The following COL11A1 variants were observed in gnomAD, a reference collection of about 807,000 sequenced individuals.
COL11A1 encodes collagen type XI alpha 1 chain.
COL11A1 carries 74 observed loss-of-function variants against 265.2 expected under a neutral mutation model. The observed-to-expected ratio is 0.28, with a 90% CI of 0.23 to 0.34. COL11A1 has a LOEUF of 0.34. Among genes scored for constraint, COL11A1 ranks in the 10% least tolerant of loss-of-function variants. COL11A1 has a pLI of 1.00. For synonymous variants in COL11A1, 816 were observed against 727.6 expected (o/e 1.12, Z -1.96); for missense variants, 2,165 against 2,263.6 (o/e 0.96, Z 0.88).
At chr1:103,023,726 T>G (rs1667291144) in intron 7 of COL11A1, among the ~76,000 whole-genome samples, 1 of 152,186 alleles carries the variant, frequency 6.6e-6, no homozygotes, top group Non-Finnish European at 1.5e-5. Flanking sequence ...ATAAGCCATA[T>G]AAGTTTGAGT....
chr1:102,936,258 A>G (rs1397456639), intron 44 of COL11A1, among the ~76,000 whole-genome samples: 1 of 151,346 alleles, frequency 6.6e-6, no homozygotes, highest in Non-Finnish European at 1.5e-5. Flanking sequence ...AAAAAGCCCT[A>G]CAAACATTTG....
At chr1:102,909,510 T>G (rs1654393964) in intron 54 of COL11A1, among the ~76,000 whole-genome samples, 1 of 152,138 alleles carries the variant, frequency 6.6e-6, no homozygotes. Context: ...TTTTTGTACA[T>G]TATATTTTCA....
At position 102,889,542 on chromosome 1, in the gene COL11A1, G is replaced by A. The variant is rs917541931; in HGVS notation, c.4377C>T (p.Gly1459=). ...KGEKGHPGLI[G]LIGPPGEQGE... is the part of the protein sequence containing the mutation. ...CTTGTTCTCCTGGAGGACCAATCAG[G>A]CCAATTAAACCAGGATGTCCCTTTG... Residue 1459 remains glycine (G), a synonymous_variant, in exon 59 of 67, where the codon GGC becomes GGT. Transcript: ENST00000370096. 6.2e-6 allele frequency: 10 copies of A among 1,613,092 alleles called. No homozygotes were observed. The African/African-American group carries it at 9.4e-5, about 15-fold the overall frequency.
intron 54 of COL11A1, among the ~76,000 whole-genome samples, chr1:102,907,176 G>A (rs548981347): frequency 6.6e-6 from 1 of 152,028 alleles, no homozygotes; most frequent in Non-Finnish European, 1.5e-5. Flanking sequence ...CCGTTCTCAT[G>A]TTATTATTAA....
intron 5 of COL11A1, among the ~76,000 whole-genome samples, chr1:103,027,823 T>C (rs1308768726): frequency 1.3e-5 from 2 of 152,120 alleles, no homozygotes; most frequent in Non-Finnish European, 2.9e-5. Flanking sequence ...CAAGGATATA[T>C]ACAGACCTGT....
At chr1:103,055,779 C>T (rs909502490) in intron 4 of COL11A1, among the ~76,000 whole-genome samples, 2 of 152,204 alleles carry the variant, frequency 1.3e-5, no homozygotes, top group African/African-American at 4.8e-5. Context: ...CAATTCTTCT[C>T]TTCCAATGTG....
At chr1:103,056,587 G>T (rs990411860) in intron 4 of COL11A1, among the ~76,000 whole-genome samples, 9 of 152,034 alleles carry the variant, frequency 5.9e-5, no homozygotes, top group African/African-American at 2.2e-4. Flanking sequence ...GAGGAGAAAA[G>T]GAATCATGTT....
rs776415474 is a variant in COL11A1, at chr1:102,877,593, T to C, written c.*426A>G. ...GATGGAATTCAGGGACACGTGCAAG[T>C]TTTGGAAATGGACACAGATAACAGT... On this transcript the variant is annotated 3_prime_UTR_variant, in exon 67 of 67. Coordinates refer to ENST00000370096, the MANE Select transcript of COL11A1 (RefSeq NM_001854.4). 1.6e-4 allele frequency: 24 copies of C among 153,530 alleles called. No homozygotes were observed. Among genetic ancestry groups the C allele is most frequent in the Non-Finnish European group, 3.2e-4 (22 of 68,696 alleles). 9.5% of individuals were successfully genotyped at this position (153,530 alleles called of 1,614,324 possible).
chr1:102,980,095 T>C (rs927429505), intron 31 of COL11A1, among the ~76,000 whole-genome samples: 15 of 152,250 alleles, frequency 9.9e-5, no homozygotes, highest in African/African-American at 3.6e-4. Flanking sequence ...ATCAGCTAAG[T>C]AAGTTTGGTA....
chr1:103,093,812 C>T (rs576179021), intron 1 of COL11A1, among the ~76,000 whole-genome samples: 1 of 152,236 alleles, frequency 6.6e-6, no homozygotes, highest in South Asian at 2.1e-4. Flanking sequence ...TTCAAGTGGT[C>T]TACTTGTCCA....
At chr1:102,905,307 G>C (rs1389291544) in intron 54 of COL11A1, among the ~76,000 whole-genome samples, 1 of 150,194 alleles carries the variant, frequency 6.7e-6, no homozygotes, top group Admixed American at 6.6e-5. Flanking sequence ...ACACCAACAT[G>C]GCACATGTAT....
At chr1:102,980,860 C>T (rs560500030) in intron 31 of COL11A1, among the ~76,000 whole-genome samples, 18 of 152,142 alleles carry the variant, frequency 1.2e-4, no homozygotes, top group African/African-American at 4.1e-4. Flanking sequence ...CTCGGGGTCA[C>T]ATGTACTGTG....
chr1:102,975,215 C>T (rs966131745), intron 35 of COL11A1, among the ~76,000 whole-genome samples: 1 of 146,866 alleles, frequency 6.8e-6, no homozygotes. Flanking sequence ...TGGCTAGAAA[C>T]ATTCATACAA....
At chr1:102,900,709 G>A (rs1653075800) in intron 54 of COL11A1, among the ~76,000 whole-genome samples, 1 of 152,082 alleles carries the variant, frequency 6.6e-6, no homozygotes, top group African/African-American at 2.4e-5. Context: ...GAAGAGCCCA[G>A]AGAATTTTAA....
chr1:102,909,578 C>T (rs1654404015), intron 54 of COL11A1, among the ~76,000 whole-genome samples: 2 of 151,760 alleles, frequency 1.3e-5, no homozygotes, highest in African/African-American at 2.4e-5. Context: ...AAAATGCATC[C>T]TTCATTATAA....
At chr1:102,913,780 C>G (rs926768650) in intron 52 of COL11A1, 90 bp from the exon 53 acceptor site, 4 of 1,160,738 alleles carry the variant, frequency 3.4e-6, no homozygotes, top group Non-Finnish European at 5.2e-6. Context: ...TAGGCCATCT[C>G]TTGAGAAAAA....
At position 102,886,745 on chromosome 1, in the gene COL11A1, C is replaced by A. The variant is rs547728433; in HGVS notation, c.4858+62G>T. ...ACATTTAACTAGAATGAATGAGCTGCCAATGCACCTCAGAAACTCAGGGGC... is the reference window on the plus strand; with the variant it reads ...ACATTTAACTAGAATGAATGAGCTGACAATGCACCTCAGAAACTCAGGGGC... On this transcript the variant is annotated intron_variant, in intron 63 of 66. Transcript: ENST00000370096. 5 of 1,603,276 alleles carry A rather than the reference C, an allele frequency of 3.1e-6. No individual in the cohort carries two copies. In the Admixed American group the frequency reaches 6.7e-5, roughly 21 times the overall value.
At chr1:102,902,727 T>C (rs1481518021) in intron 54 of COL11A1, among the ~76,000 whole-genome samples, 23 of 151,742 alleles carry the variant, frequency 1.5e-4, no homozygotes, top group Non-Finnish European at 2.8e-4. Context: ...TTTCTATCTA[T>C]ACATTTATAT....
chr1:102,965,029 C>CA, intron 38 of COL11A1, among the ~76,000 whole-genome samples: 1 of 151,868 alleles, frequency 6.6e-6, no homozygotes, highest in East Asian at 1.9e-4. Flanking sequence ...ATTATGAAGG[C>CA]AAAAATCTTA....
Sources: gnomAD v4.1 joint callset for allele counts (sites outside exome capture counted in the v4.1 genomes callset) on GRCh38, gnomAD v4.1.1 for gene constraint, MANE v1.5 for transcripts, NCBI Gene and HGNC (gene_info 2026-07-23, HGNC 2026-07-21) for gene names.